The following HSD17B2 variants were observed in gnomAD, a reference collection of about 807,000 sequenced individuals.
HSD17B2 encodes hydroxysteroid 17-beta dehydrogenase 2.
HSD17B2 carries 32 observed loss-of-function variants against 26.9 expected under a neutral mutation model. The ratio of observed to expected loss-of-function variants is 1.19; its 90% CI spans 0.90 to 1.60. The LOEUF (loss-of-function observed/expected upper bound fraction) is 1.60, where lower values mean the gene tolerates loss of function less well. HSD17B2 is among the 40% of genes most tolerant of loss of function. The pLI is 0.00. For synonymous variants in HSD17B2, 246 were observed against 186.7 expected (o/e 1.32, Z -2.59); for missense variants, 613 against 468.6 (o/e 1.31, Z -2.85).
intron 1 of HSD17B2, among the ~76,000 whole-genome samples, chr16:82,041,290 C>T (rs191682588): frequency 5.5e-4 from 84 of 152,284 alleles, no homozygotes; most frequent in African/African-American, 2.0e-3. Context: ...GTGGGTGAAA[C>T]GTCCTCTCCT....
At chr16:82,056,810 A>C (rs1914283577) in intron 1 of HSD17B2, among the ~76,000 whole-genome samples, 1 of 152,246 alleles carries the variant, frequency 6.6e-6, no homozygotes, top group Non-Finnish European at 1.5e-5. Flanking sequence ...CAACCAACCA[A>C]ACAAAAAAAC....
intron 1 of HSD17B2, among the ~76,000 whole-genome samples, chr16:82,054,208 G>GAAAAAAAAA (rs74264895): frequency 5.5e-4 from 47 of 85,442 alleles, no homozygotes; most frequent in Non-Finnish European, 7.8e-4. Context: ...CCCACATATC[G>GAAAAAAAAA]AAAAAAAAAA....
chr16:82,046,981 TG>T (rs1194861369), intron 1 of HSD17B2, among the ~76,000 whole-genome samples: 1 of 152,212 alleles, frequency 6.6e-6, no homozygotes, highest in Non-Finnish European at 1.5e-5. Context: ...AAAGGGGTAT[TG>T]GCTGCCATCT....
At position 82,068,156 on chromosome 16, in the gene HSD17B2, C is replaced by A. The variant is rs1478804526; in HGVS notation, c.266-14C>A. ...TGGTTTGACCTCACTCCCTACTCCC[C>A]TGACCCTATGCAGGTGGTGATTGCG... On this transcript the variant is annotated splice_polypyrimidine_tract_variant and intron_variant, in intron 1 of 4. Coordinates refer to ENST00000199936, the MANE Select transcript of HSD17B2 (RefSeq NM_002153.3). 1 of 1,612,876 alleles carries A rather than the reference C, an allele frequency of 6.2e-7. No homozygotes were observed. The highest frequency in any genetic ancestry group is 1.7e-4 in the Middle Eastern group (1 of 6,056).
At chr16:82,075,302 A>G (rs943836072) in intron 3 of HSD17B2, among the ~76,000 whole-genome samples, 1 of 152,174 alleles carries the variant, frequency 6.6e-6, no homozygotes, top group Non-Finnish European at 1.5e-5. Context: ...CTAGAAAAGC[A>G]AGAGCAAACC....
chr16:82,058,474 T>A (rs1246542268), intron 1 of HSD17B2, among the ~76,000 whole-genome samples: 1 of 152,200 alleles, frequency 6.6e-6, no homozygotes, highest in Admixed American at 6.5e-5. Context: ...AAAAATAAAA[T>A]CTGTTTTTTT....
intron 1 of HSD17B2, among the ~76,000 whole-genome samples, chr16:82,048,223 C>T (rs8061074): frequency 0.44 from 67,222 of 151,894 alleles, 18,257 homozygotes; most frequent in Non-Finnish European, 0.59. Flanking sequence ...GGGCACTGGG[C>T]GGTGGGGTCC....
chr16:82,068,082 G>A (rs1199033851), intron 1 of HSD17B2, 88 bp from the exon 2 acceptor site: 21 of 1,168,322 alleles, frequency 1.8e-5, no homozygotes, highest in South Asian at 2.7e-5. Context: ...ATGGAGAATC[G>A]TAAACAACGT....
intron 3 of HSD17B2, among the ~76,000 whole-genome samples, chr16:82,075,921 A>AG (rs1904298919): frequency 6.6e-6 from 1 of 151,224 alleles, no homozygotes; most frequent in Non-Finnish European, 1.5e-5. Flanking sequence ...AAAAAAAAAA[A>AG]AAAGAAAAGA....
At chr16:82,085,969 G>T (rs543148140) in intron 3 of HSD17B2, among the ~76,000 whole-genome samples, 1 of 151,614 alleles carries the variant, frequency 6.6e-6, no homozygotes, top group East Asian at 1.9e-4. Context: ...AAAACACACA[G>T]AAAAAACACA....
chr16:82,073,018 G>C (rs1158847057), intron 3 of HSD17B2, among the ~76,000 whole-genome samples: 1 of 152,128 alleles, frequency 6.6e-6, no homozygotes, highest in Non-Finnish European at 1.5e-5. Flanking sequence ...CTGTGTTCAT[G>C]TCACTGTACT....
intron 3 of HSD17B2, among the ~76,000 whole-genome samples, chr16:82,076,412 A>G (rs1017514660): frequency 3.9e-5 from 6 of 152,232 alleles, no homozygotes; most frequent in African/African-American, 1.4e-4. Context: ...AGAAAGAAAT[A>G]AAGAACATTC....
At chr16:82,071,286 C>A (rs2143984970) in intron 3 of HSD17B2, 159 bp downstream of exon 3, 1 of 704,360 alleles carries the variant, frequency 1.4e-6, no homozygotes. Flanking sequence ...ACAATAAAAC[C>A]TTTCTCTTCT....
intron 3 of HSD17B2, among the ~76,000 whole-genome samples, chr16:82,081,574 G>A (rs1002061344): frequency 1.3e-5 from 2 of 152,094 alleles, no homozygotes; most frequent in Non-Finnish European, 2.9e-5. Flanking sequence ...GTAAAGTGGA[G>A]GCAATAAGAG....
chr16:82,058,953 T>A (rs565261456), intron 1 of HSD17B2, among the ~76,000 whole-genome samples: 2 of 152,204 alleles, frequency 1.3e-5, no homozygotes, highest in South Asian at 4.2e-4. Flanking sequence ...ACTCAATTGT[T>A]CATTCTGTCA....
chr16:82,036,561 C>T (rs570408567), intron 1 of HSD17B2, among the ~76,000 whole-genome samples: 1 of 152,046 alleles, frequency 6.6e-6, no homozygotes, highest in South Asian at 2.1e-4. Flanking sequence ...CCATGATCCT[C>T]AGGGTGAAGG....
intron 1 of HSD17B2, chr16:82,063,333 A>G (rs993150745): frequency 8.5e-5 from 13 of 152,336 alleles, no homozygotes; most frequent in African/African-American, 2.9e-4. Context: ...TCTATTAGGC[A>G]TTTCACAAAT....
intron 3 of HSD17B2, among the ~76,000 whole-genome samples, chr16:82,086,862 G>C (rs986296675): frequency 6.6e-6 from 1 of 152,160 alleles, no homozygotes; most frequent in Non-Finnish European, 1.5e-5. Flanking sequence ...TGGTTTTCTG[G>C]TGAGGGCTCT....
chr16:82,060,382 G>C (rs1222357547), intron 1 of HSD17B2, among the ~76,000 whole-genome samples: 1 of 152,184 alleles, frequency 6.6e-6, no homozygotes, highest in African/African-American at 2.4e-5. Flanking sequence ...GTGTGTGTGT[G>C]AGAGCTCTTG....
Sources: gnomAD v4.1 joint callset for allele counts (sites outside exome capture counted in the v4.1 genomes callset) on GRCh38, gnomAD v4.1.1 for gene constraint, MANE v1.5 for transcripts, NCBI Gene and HGNC (gene_info 2026-07-23, HGNC 2026-07-21) for gene names.